The following MATN2 variants were observed in gnomAD, a reference collection of about 807,000 sequenced individuals.
The protein encoded by MATN2 is matrilin-2.
A neutral mutation model predicts 103.2 loss-of-function variants in MATN2; 69 were observed. The ratio of observed to expected loss-of-function variants is 0.67; its 90% CI spans 0.55 to 0.82. The LOEUF (loss-of-function observed/expected upper bound fraction) is 0.82, where lower values mean the gene tolerates loss of function less well. Ranked by LOEUF, MATN2 falls within the 40% of genes least tolerant of loss-of-function variation. The probability of loss-of-function intolerance (pLI) is 0.00; values close to 1 mark genes in which losing one functional copy is unlikely to be tolerated. For synonymous variants in MATN2, 429 were observed against 450.2 expected (o/e 0.95, Z 0.60); for missense variants, 1,023 against 1,211.5 (o/e 0.84, Z 2.31).
intron 6 of MATN2, among the ~76,000 whole-genome samples, chr8:97,987,358 C>T (rs930339679): frequency 3.3e-5 from 5 of 152,074 alleles, no homozygotes; most frequent in Non-Finnish European, 5.9e-5. Flanking sequence ...CTGGGTGATG[C>T]GCTGATCTGT....
At chr8:97,877,006 CT>C (rs33986645) in intron 1 of MATN2, among the ~76,000 whole-genome samples, 85,272 of 117,002 alleles carry the variant, frequency 0.73, 30,922 homozygotes, top group Non-Finnish European at 0.83. Context: ...ATTCACACTT[CT>C]TTTTTTTTTT....
intron 4 of MATN2, among the ~76,000 whole-genome samples, chr8:97,956,239 G>A (rs2512031): frequency 0.31 from 46,512 of 151,748 alleles, 8,537 homozygotes; most frequent in Non-Finnish European, 0.41. Context: ...GTGCAGTGGC[G>A]CGATCTCAGC....
At chr8:97,952,886 C>T (rs1020207992) in intron 4 of MATN2, among the ~76,000 whole-genome samples, 4 of 147,790 alleles carry the variant, frequency 2.7e-5, no homozygotes, top group South Asian at 2.2e-4. Flanking sequence ...AATTTTAGAA[C>T]GTTAGGATCT....
At chr8:98,034,702 A>G (rs987008610) in intron 18 of MATN2, among the ~76,000 whole-genome samples, 2 of 152,120 alleles carry the variant, frequency 1.3e-5, no homozygotes, top group Admixed American at 1.3e-4. Flanking sequence ...ATATTTTTAC[A>G]TAGGTCAGAA....
intron 2 of MATN2, among the ~76,000 whole-genome samples, chr8:97,906,438 G>T (rs943389005): frequency 6.6e-6 from 1 of 152,042 alleles, no homozygotes; most frequent in Non-Finnish European, 1.5e-5. Context: ...AAGTTTCCTG[G>T]GTCTCAAAGG....
chr8:98,008,080 G>A (rs1813033968), intron 10 of MATN2, among the ~76,000 whole-genome samples: 1 of 152,208 alleles, frequency 6.6e-6, no homozygotes. Context: ...TGCTGGCTGT[G>A]ATTCCAAAGT....
At chr8:97,973,519 T>C (rs997254886) in intron 5 of MATN2, among the ~76,000 whole-genome samples, 1 of 152,152 alleles carries the variant, frequency 6.6e-6, no homozygotes, top group Non-Finnish European at 1.5e-5. Flanking sequence ...ACTTTTATGC[T>C]TTTAAAAAAT....
At chr8:97,926,743 A>C (rs899386978) in intron 2 of MATN2, among the ~76,000 whole-genome samples, 4 of 152,232 alleles carry the variant, frequency 2.6e-5, no homozygotes, top group Non-Finnish European at 1.5e-5. Flanking sequence ...GCAGGACCAC[A>C]TCTCCTCTAG....
rs143666707 is a variant in MATN2 at position 97,871,063 on chromosome 8, A to C, written c.-27+1776A>C. Among the ~76,000 whole-genome samples, 345 of 152,294 alleles carry C rather than the reference A, an allele frequency of 2.3e-3. 2 individuals carry two copies. Among genetic ancestry groups the C allele is most frequent in the African/African-American group, 7.4e-3 (307 of 41,568 alleles). ...ACCAAGGCCTAAGCTTGCTTGTTGG[A>C]GGTGTCAGAGCAGAGTCCAAATCTG... On this transcript the variant is annotated intron_variant, in intron 1 of 18. Coordinates refer to ENST00000254898, the MANE Select transcript of MATN2 (RefSeq NM_002380.5).
intron 12 of MATN2, chr8:98,020,907 T>A (rs1244990972): frequency 4.1e-6 from 1 of 246,224 alleles, no homozygotes; most frequent in Admixed American, 5.1e-5. Context: ...TGAACTGGAG[T>A]GTTTGGGATG....
chr8:97,997,233 T>C (rs1023663575), intron 7 of MATN2, among the ~76,000 whole-genome samples: 1 of 152,216 alleles, frequency 6.6e-6, no homozygotes, highest in African/African-American at 2.4e-5. Flanking sequence ...AAAATTGGTG[T>C]GAAGCCCACG....
intron 6 of MATN2, among the ~76,000 whole-genome samples, chr8:97,981,703 A>G (rs1307271898): frequency 6.6e-6 from 1 of 152,128 alleles, no homozygotes; most frequent in Non-Finnish European, 1.5e-5. Flanking sequence ...CCAGTCTCCT[A>G]CCTGCCTCTC....
At chr8:97,924,022 A>AT (rs753550523) in intron 2 of MATN2, among the ~76,000 whole-genome samples, 1 of 152,072 alleles carries the variant, frequency 6.6e-6, no homozygotes, top group Admixed American at 6.5e-5. Context: ...TGATCCTGCT[A>AT]TTTTTTCACT....
intron 2 of MATN2, among the ~76,000 whole-genome samples, chr8:97,906,997 CTT>C (rs61459656): frequency 4.3e-5 from 5 of 116,140 alleles, no homozygotes; most frequent in African/African-American, 1.4e-4. Context: ...CCATAGCTGA[CTT>C]TTTTTTTTTT....
intron 6 of MATN2, among the ~76,000 whole-genome samples, chr8:97,994,114 G>A (rs1179391786): frequency 6.9e-6 from 1 of 144,336 alleles, no homozygotes; most frequent in Non-Finnish European, 1.5e-5. Flanking sequence ...AGGAAAGGAA[G>A]GAAGGAAGGA....
At chr8:97,990,003 G>A (rs1304828545) in intron 6 of MATN2, among the ~76,000 whole-genome samples, 2 of 151,996 alleles carry the variant, frequency 1.3e-5, no homozygotes, top group African/African-American at 4.8e-5. Context: ...CCAACATGGT[G>A]AAAGCTTGTC....
intron 2 of MATN2, among the ~76,000 whole-genome samples, chr8:97,924,136 T>C (rs1429586043): frequency 6.6e-6 from 1 of 152,216 alleles, no homozygotes; most frequent in South Asian, 2.1e-4. Context: ...TGATTCATCG[T>C]TCTCGTTTGG....
chr8:97,991,539 C>T (rs1390164765), intron 6 of MATN2, among the ~76,000 whole-genome samples: 6 of 152,096 alleles, frequency 3.9e-5, no homozygotes, highest in East Asian at 1.9e-4. Context: ...CTGGGCAACA[C>T]GGTGAAACCC....
chr8:97,983,917 C>T (rs897228101), intron 6 of MATN2, among the ~76,000 whole-genome samples: 1 of 152,174 alleles, frequency 6.6e-6, no homozygotes, highest in South Asian at 2.1e-4. Context: ...TCCCAAAGTG[C>T]TGAGATTACA....
Sources: allele counts gnomAD v4.1 joint callset (sites outside exome capture counted in the v4.1 genomes callset), GRCh38; gene constraint gnomAD v4.1.1; transcripts MANE v1.5; gene names NCBI Gene and HGNC (gene_info 2026-07-23, HGNC 2026-07-21).